ERC1: variants seen among roughly 807,000 people sequenced by gnomAD.
ERC1 encodes the protein RAB6 interacting protein 2.
A neutral mutation model predicts 132.0 loss-of-function variants in ERC1; 56 were observed. That is an observed-to-expected ratio of 0.42 (90% CI 0.34 to 0.53). ERC1 has a LOEUF of 0.53. Among genes scored for constraint, ERC1 ranks in the 20% least tolerant of loss-of-function variants. The pLI, the probability that ERC1 is intolerant of heterozygous loss-of-function variation, is 0.03. For synonymous variants in ERC1, 478 were observed against 476.1 expected, an observed-to-expected ratio of 1.00 and a Z score of -0.05; for missense variants, 1,202 against 1,349.9, an observed-to-expected ratio of 0.89 and a Z score of 1.72.
In ERC1 at chr12:1,110,165, A is replaced by G. The variant is rs754105629; in HGVS notation, c.1162-27A>G. ...TTTTCTGGGTTTTTGTGAATACTTCAATCACTAAATCTTCCATTGTCTTCA... is the reference window on the plus strand; with the variant it reads ...TTTTCTGGGTTTTTGTGAATACTTCGATCACTAAATCTTCCATTGTCTTCA... On this transcript the variant is annotated intron_variant, in intron 4 of 18. Coordinates refer to ENST00000360905, the MANE Select transcript of ERC1 (RefSeq NM_178040.4). The G allele has an allele frequency of 3.2e-6, 5 of 1,559,798 alleles. No individual in the cohort carries two copies. In the South Asian group the frequency reaches 6.1e-5, roughly 19 times the overall value.
At chr12:1,108,575 T>C (rs1450611486) in intron 4 of ERC1, among the ~76,000 whole-genome samples, 2 of 152,230 alleles carry the variant, frequency 1.3e-5, no homozygotes, top group African/African-American at 2.4e-5. Context: ...TAAGGTGCTG[T>C]GTTCTGATAT....
At chr12:1,475,373 CA>C (rs1387929362) in intron 18 of ERC1, among the ~76,000 whole-genome samples, 1 of 151,962 alleles carries the variant, frequency 6.6e-6, no homozygotes, top group Non-Finnish European at 1.5e-5. Context: ...TATTGGTATA[CA>C]AAAAAGAATT....
intron 2 of ERC1, among the ~76,000 whole-genome samples, chr12:1,056,086 A>T (rs539601763): frequency 0.016 from 1,327 of 84,266 alleles, 7 homozygotes; most frequent in African/African-American, 0.035. Context: ...TTTTTTTTTA[A>T]AAAAAAGGTG....
intron 18 of ERC1, among the ~76,000 whole-genome samples, chr12:1,452,984 TTC>T (rs1235197951): frequency 1.3e-5 from 2 of 152,182 alleles, no homozygotes; most frequent in Non-Finnish European, 2.9e-5. Flanking sequence ...GTGCCGATGT[TTC>T]TGTTTCATGC....
chr12:1,433,706 C>T lies in ERC1; in HGVS notation c.3025-10856C>T, dbSNP rs141924283. On this transcript the variant is annotated intron_variant, in intron 17 of 18. Coordinates refer to ENST00000360905, the MANE Select transcript of ERC1 (RefSeq NM_178040.4). ...GGAGACTTTACTCCCTTTGAATGGT[C>T]CAGCAAAGGCTATTTCCTGTCAGCA... Among the ~76,000 whole-genome samples, 1,065 of 152,236 alleles carry T rather than the reference C, an allele frequency of 7.0e-3. 8 individuals are homozygous for T. The highest frequency in any genetic ancestry group is 0.034 in the South Asian group (165 of 4,834).
At chr12:1,388,100 G>T (rs1047937758) in intron 16 of ERC1, among the ~76,000 whole-genome samples, 1 of 152,062 alleles carries the variant, frequency 6.6e-6, no homozygotes, top group East Asian at 1.9e-4. Flanking sequence ...GGTGGCTCAC[G>T]CTTGTAATCC....
At chr12:1,183,006 C>T (rs374392875) in intron 10 of ERC1, among the ~76,000 whole-genome samples, 1 of 152,218 alleles carries the variant, frequency 6.6e-6, no homozygotes, top group African/African-American at 2.4e-5. Flanking sequence ...TGACTACTTA[C>T]ATTCACAAAG....
intron 13 of ERC1, among the ~76,000 whole-genome samples, chr12:1,255,545 T>A (rs956160852): frequency 6.6e-6 from 1 of 150,844 alleles, no homozygotes; most frequent in African/African-American, 2.4e-5. Flanking sequence ...ATGGTTGAAC[T>A]AATTTACACT....
At chr12:1,214,584 T>G (rs1594276402) in intron 12 of ERC1, among the ~76,000 whole-genome samples, 1 of 152,066 alleles carries the variant, frequency 6.6e-6, no homozygotes, top group African/African-American at 2.4e-5. Flanking sequence ...CATGTTTGTT[T>G]GGATCTTAAT....
chr12:1,139,679 T>C (rs949233712), intron 7 of ERC1, among the ~76,000 whole-genome samples: 2 of 150,382 alleles, frequency 1.3e-5, no homozygotes, highest in Non-Finnish European at 2.9e-5. Flanking sequence ...AATTCAGAAA[T>C]AAAGTAGTAA....
chr12:1,480,534 T>C (rs2094067963), intron 18 of ERC1, among the ~76,000 whole-genome samples: 1 of 152,224 alleles, frequency 6.6e-6, no homozygotes, highest in East Asian at 1.9e-4. Context: ...TACTCCTCCT[T>C]ACATTACTGC....
chr12:1,229,840 T>G (rs1417185706), intron 12 of ERC1, among the ~76,000 whole-genome samples: 8 of 152,024 alleles, frequency 5.3e-5, no homozygotes, highest in Non-Finnish European at 1.2e-4. Flanking sequence ...GGGCTTAGGT[T>G]GTTCTTTTTT....
At chr12:1,038,071 A>C (rs947245642) in intron 2 of ERC1, among the ~76,000 whole-genome samples, 31 of 152,008 alleles carry the variant, frequency 2.0e-4, no homozygotes, top group African/African-American at 6.5e-4. Context: ...AAAGAAAAAA[A>C]CTATTTCCAT....
At chr12:1,008,926 A>G (rs748510654) in intron 1 of ERC1, among the ~76,000 whole-genome samples, 18 of 152,166 alleles carry the variant, frequency 1.2e-4, no homozygotes, top group Admixed American at 2.0e-4. Flanking sequence ...TGGCTACCAT[A>G]TTGGACAACA....
At chr12:1,374,918 A>G (rs114243133) in intron 16 of ERC1, among the ~76,000 whole-genome samples, 3,369 of 151,234 alleles carry the variant, frequency 0.022, 63 homozygotes, top group Non-Finnish European at 0.036. Context: ...GTTTGAATCT[A>G]GATAATCTCA....
chr12:1,282,675 T>C (rs547473735), intron 14 of ERC1, among the ~76,000 whole-genome samples: 12 of 152,352 alleles, frequency 7.9e-5, no homozygotes, highest in Non-Finnish European at 1.3e-4. Context: ...AATTTATGTA[T>C]GTAGGTATAT....
intron 8 of ERC1, among the ~76,000 whole-genome samples, chr12:1,167,307 C>G (rs1249268533): frequency 6.6e-6 from 1 of 152,220 alleles, no homozygotes; most frequent in Admixed American, 6.5e-5. Flanking sequence ...ATATTTTCTT[C>G]TGCTTAAAAA....
At chr12:1,143,329 C>CGTGTGT (rs4017792) in intron 8 of ERC1, among the ~76,000 whole-genome samples, 5,089 of 128,880 alleles carry the variant, frequency 0.039, 197 homozygotes, top group East Asian at 0.11. Context: ...GCTTTTGACT[C>CGTGTGT]GTGTGTGTGT....
chr12:1,069,382 C>T (rs544904090), intron 2 of ERC1, among the ~76,000 whole-genome samples: 1 of 152,232 alleles, frequency 6.6e-6, no homozygotes, highest in East Asian at 1.9e-4. Flanking sequence ...TGCTACCCAG[C>T]GGTTCTATTT....
Sources: allele counts gnomAD v4.1 joint callset (sites outside exome capture counted in the v4.1 genomes callset), GRCh38; gene constraint gnomAD v4.1.1; transcripts MANE v1.5; gene names NCBI Gene and HGNC (gene_info 2026-07-23, HGNC 2026-07-21).